Variants in SLC25A14 observed in about 807,000 individuals in gnomAD.
The protein encoded by SLC25A14 is brain mitochondrial carrier protein 1.
A neutral mutation model predicts 28.1 loss-of-function variants in SLC25A14; 8 were observed. The observed-to-expected ratio is 0.28, with a 90% CI of 0.17 to 0.51. SLC25A14 has a LOEUF of 0.51. SLC25A14 is among the 20% of genes least tolerant of loss of function. The pLI, the probability that SLC25A14 is intolerant of heterozygous loss-of-function variation, is 0.97. For missense variants in SLC25A14, 135 were observed against 263.8 expected (o/e 0.51, Z 3.38); for synonymous variants, 74 against 90.6 (o/e 0.82, Z 1.04).
At chrX:130,361,808 C>T (rs2033975274) in intron 7 of SLC25A14, among the ~76,000 whole-genome samples, 1 of 111,835 alleles carries the variant, frequency 8.9e-6, no homozygotes, top group Admixed American at 9.5e-5. Context: ...ATTTTCTGGC[C>T]TTTCAAGAGA....
At chrX:130,365,299 T>A (rs1352101027) in intron 8 of SLC25A14, 2 of 935,792 alleles carry the variant, frequency 2.1e-6, no homozygotes, top group East Asian at 9.5e-5. Context: ...AGGAATCTTG[T>A]TAGGTTTAGA....
At chrX:130,364,569 C>A in intron 7 of SLC25A14, 59 bp from the exon 8 acceptor site, 1 of 975,975 alleles carries the variant, frequency 1.0e-6, no homozygotes, top group Non-Finnish European at 1.5e-6. Context: ...ATTTTGTTCA[C>A]TCTAAGACAT....
intron 6 of SLC25A14, among the ~76,000 whole-genome samples, chrX:130,355,413 T>C (rs1224428880): frequency 8.9e-6 from 1 of 112,105 alleles, no homozygotes; most frequent in Non-Finnish European, 1.9e-5. Flanking sequence ...TATGAGTGAG[T>C]AGAAAATAAC....
chrX:130,358,039 C>G (rs1312365851), intron 6 of SLC25A14, among the ~76,000 whole-genome samples: 1 of 112,150 alleles, frequency 8.9e-6, no homozygotes, highest in African/African-American at 3.2e-5. Flanking sequence ...CCTCACCACT[C>G]AGACATAAAC....
intron 7 of SLC25A14, among the ~76,000 whole-genome samples, chrX:130,362,356 C>T (rs2033998316): frequency 9.1e-6 from 1 of 109,506 alleles, no homozygotes; most frequent in Middle Eastern, 4.7e-3. Flanking sequence ...AGAGCAGCCC[C>T]ACTTTATAAA....
At chrX:130,359,893 CAATT>C (rs1308548194) in intron 7 of SLC25A14, among the ~76,000 whole-genome samples, 1 of 110,757 alleles carries the variant, frequency 9.0e-6, no homozygotes, top group African/African-American at 3.3e-5. Flanking sequence ...TCATGGCACT[CAATT>C]AAATTCTTCA....
At chrX:130,365,816 A>G (rs1179957708) in intron 9 of SLC25A14, 140 bp downstream of exon 9, 8 of 468,874 alleles carry the variant, frequency 1.7e-5, no homozygotes, top group Middle Eastern at 4.1e-4. Flanking sequence ...AGTTATTCCC[A>G]GGTAGAAAAG....
chrX:130,341,840 A>G (rs1236200607), intron 2 of SLC25A14, among the ~76,000 whole-genome samples: 1 of 112,278 alleles, frequency 8.9e-6, no homozygotes, highest in Non-Finnish European at 1.9e-5. Context: ...TATTTTACAT[A>G]AGTAATTCCT....
intron 4 of SLC25A14, among the ~76,000 whole-genome samples, chrX:130,347,849 G>A (rs1445797998): frequency 9.0e-6 from 1 of 111,369 alleles, no homozygotes; most frequent in Non-Finnish European, 1.9e-5. Flanking sequence ...TGGTATCAGG[G>A]TAATACTAGC....
chrX:130,346,027 C>G (rs1456318186), intron 3 of SLC25A14, among the ~76,000 whole-genome samples: 2 of 111,288 alleles, frequency 1.8e-5, no homozygotes, highest in Non-Finnish European at 3.8e-5. Context: ...TTGCCATTAT[C>G]TTTCATAATA....
intron 7 of SLC25A14, among the ~76,000 whole-genome samples, chrX:130,359,613 ATAT>A (rs1188454364): frequency 1.8e-5 from 2 of 110,448 alleles, no homozygotes; most frequent in Non-Finnish European, 3.8e-5. Flanking sequence ...AATATTAATA[ATAT>A]TATTAGTAGA....
intron 9 of SLC25A14, among the ~76,000 whole-genome samples, chrX:130,369,072 C>T (rs2034199168): frequency 8.9e-6 from 1 of 112,053 alleles, no homozygotes. Context: ...ACACAACTGC[C>T]TTATGCCAAA....
At chrX:130,372,768 T>G in intron 10 of SLC25A14, 141 bp from the exon 11 acceptor site, 1 of 514,741 alleles carries the variant, frequency 1.9e-6, no homozygotes. Context: ...GGCTGTCAGG[T>G]GGTGTTTTAG....
At chrX:130,354,095 CT>C (rs747971751) in intron 6 of SLC25A14, among the ~76,000 whole-genome samples, 2,610 of 96,907 alleles carry the variant, frequency 0.027, 34 homozygotes, top group Middle Eastern at 0.054. Context: ...CTTTTTCATT[CT>C]TTTTTTTTTT....
In SLC25A14 at chrX:130,364,806, C is replaced by G. The variant is rs970225468; in HGVS notation, c.719+54C>G. Reference sequence around the variant, plus strand: ...TTTCCAGCATTTTGAGCACAAAAAGCCTCTTTTACTGAAATCCTCAGGTGG... The same window carrying G: ...TTTCCAGCATTTTGAGCACAAAAAGGCTCTTTTACTGAAATCCTCAGGTGG... On this transcript the variant is annotated intron_variant, in intron 8 of 10. Coordinates refer to ENST00000545805, the MANE Select transcript of SLC25A14 (RefSeq NM_001282195.2). The G allele has an allele frequency of 2.6e-6, 3 of 1,176,316 alleles. No individual in the cohort carries two copies. The African/African-American group carries it at 5.3e-5, about 21-fold the overall frequency.
intron 6 of SLC25A14, among the ~76,000 whole-genome samples, chrX:130,353,218 G>C (rs533476694): frequency 1.2e-3 from 138 of 111,822 alleles, no homozygotes; most frequent in African/African-American, 4.2e-3. Flanking sequence ...TATTTATGAA[G>C]AGAATTTAAT....
intron 2 of SLC25A14, among the ~76,000 whole-genome samples, chrX:130,344,452 T>C (rs972495044): frequency 2.7e-5 from 3 of 110,863 alleles, no homozygotes; most frequent in Non-Finnish European, 5.7e-5. Context: ...AAAGGGAGGC[T>C]GGGAGCAGAA....
At chrX:130,351,204 G>A (rs2033613923) in intron 6 of SLC25A14, among the ~76,000 whole-genome samples, 1 of 111,552 alleles carries the variant, frequency 9.0e-6, no homozygotes, top group Admixed American at 9.5e-5. Flanking sequence ...TCTAAATCTT[G>A]GTATGGTATG....
Position 130,368,227 on chromosome X carries a change from C to T in SLC25A14, c.855+2551C>T, listed in dbSNP as rs184453971. Among the ~76,000 whole-genome samples, 7 of 112,278 alleles carry T rather than the reference C, an allele frequency of 6.2e-5. No individual in the cohort carries two copies. In the Admixed American group the frequency reaches 6.6e-4, roughly 11 times the overall value. The stretch of plus-strand genomic sequence containing the variant: ...GGTTACTTAATGTCACATGCAATAG[C>T]GATCTAATATGATAAGGACTGCAAA... On this transcript the variant is annotated intron_variant, in intron 9 of 10. Coordinates refer to ENST00000545805, the MANE Select transcript of SLC25A14 (RefSeq NM_001282195.2).
Sources: gnomAD v4.1 joint callset for allele counts (sites outside exome capture counted in the v4.1 genomes callset) on GRCh38, gnomAD v4.1.1 for gene constraint, MANE v1.5 for transcripts, NCBI Gene and HGNC (gene_info 2026-07-23, HGNC 2026-07-21) for gene names.